KAZN: variants seen among roughly 807,000 people sequenced by gnomAD.
KAZN encodes kazrin, periplakin interacting protein.
A neutral mutation model predicts 87.4 loss-of-function variants in KAZN; 40 were observed. That is an observed-to-expected ratio of 0.46 (90% CI 0.36 to 0.60). The LOEUF (loss-of-function observed/expected upper bound fraction) is 0.60, where lower values mean the gene tolerates loss of function less well. Ranked by LOEUF, KAZN falls within the 20% of genes least tolerant of loss-of-function variation. The pLI, the probability that KAZN is intolerant of heterozygous loss-of-function variation, is 0.00. For synonymous variants in KAZN, 466 were observed against 458.3 expected (o/e 1.02, Z -0.22); for missense variants, 898 against 1,073.9 (o/e 0.84, Z 2.29).
At chr1:14,723,327 C>T (rs541972789) in intron 1 of KAZN, among the ~76,000 whole-genome samples, 1 of 152,208 alleles carries the variant, frequency 6.6e-6, no homozygotes, top group Admixed American at 6.5e-5. Context: ...CCTACCTTAA[C>T]TGAAGCCATC....
Position 14,361,363 on chromosome 1 carries a change from G to T in KAZN, c.249+180771G>T, listed in dbSNP as rs549635288. On this transcript the variant is annotated intron_variant, in intron 2 of 16. Transcript: ENST00000636203. ...ATTTCAAGCCAGTGGATCTTAGCTT[G>T]CTGGGCTCTGTGGTGGTGGGACCTG... Among the ~76,000 whole-genome samples, 7 of 152,344 alleles carry T rather than the reference G, an allele frequency of 4.6e-5. 1 individual carries two copies. In the South Asian group the frequency reaches 1.4e-3, roughly 32 times the overall value.
At chr1:14,747,144 G>A (rs1453712811) in intron 1 of KAZN, among the ~76,000 whole-genome samples, 3 of 152,134 alleles carry the variant, frequency 2.0e-5, no homozygotes, top group Non-Finnish European at 4.4e-5. Flanking sequence ...CATCAGTGCG[G>A]TAGCATGTTC....
intron 1 of KAZN, among the ~76,000 whole-genome samples, chr1:14,878,848 T>C (rs1026921888): frequency 2.0e-5 from 3 of 152,236 alleles, no homozygotes; most frequent in African/African-American, 7.2e-5. Context: ...GAAAGTCCAT[T>C]GAATATTCAT....
intron 1 of KAZN, among the ~76,000 whole-genome samples, chr1:14,162,585 C>T (rs1407859652): frequency 6.8e-6 from 1 of 147,218 alleles, no homozygotes; most frequent in African/African-American, 2.5e-5. Context: ...CACTCTGTTG[C>T]CCAGGCTGGA....
intron 13 of KAZN, among the ~76,000 whole-genome samples, chr1:15,106,368 C>A (rs7515649): frequency 0.2 from 30,692 of 152,120 alleles, 3,271 homozygotes; most frequent in African/African-American, 0.25. Flanking sequence ...CAGAATTATC[C>A]CCTTTCCCTG....
At chr1:14,443,079 C>A (rs539143992) in intron 2 of KAZN, among the ~76,000 whole-genome samples, 1 of 152,344 alleles carries the variant, frequency 6.6e-6, no homozygotes, top group African/African-American at 2.4e-5. Context: ...TCAACCCACC[C>A]TCCTTGAATT....
intron 1 of KAZN, among the ~76,000 whole-genome samples, chr1:14,834,210 A>G (rs1647146231): frequency 6.6e-6 from 1 of 151,376 alleles, no homozygotes; most frequent in Admixed American, 6.6e-5. Flanking sequence ...TAATTTTTGT[A>G]TTTTTAGTAG....
At chr1:13,910,549 G>A (rs1013260080) in intron 1 of KAZN, among the ~76,000 whole-genome samples, 1 of 150,806 alleles carries the variant, frequency 6.6e-6, no homozygotes, top group Admixed American at 6.6e-5. Context: ...CCTTGCTCCT[G>A]CTTCACCATA....
At chr1:14,100,190 T>G (rs7537108) in intron 1 of KAZN, among the ~76,000 whole-genome samples, 4,203 of 152,278 alleles carry the variant, frequency 0.028, 206 homozygotes, top group African/African-American at 0.095. Flanking sequence ...TGCCTATCCT[T>G]AATAAACAGC....
At chr1:14,814,483 G>C (rs935582607) in intron 1 of KAZN, among the ~76,000 whole-genome samples, 5 of 152,290 alleles carry the variant, frequency 3.3e-5, no homozygotes, top group Middle Eastern at 6.8e-3. Flanking sequence ...CAAAGTGCTG[G>C]GATTGCAGGC....
intron 2 of KAZN, among the ~76,000 whole-genome samples, chr1:15,018,822 C>T (rs976839887): frequency 7.9e-5 from 12 of 152,156 alleles, no homozygotes. Flanking sequence ...AGCCCCCCAG[C>T]AGCTGCCCTC....
chr1:14,262,963 C>T (rs1264643824), intron 2 of KAZN, among the ~76,000 whole-genome samples: 3 of 152,164 alleles, frequency 2.0e-5, no homozygotes, highest in African/African-American at 4.8e-5. Flanking sequence ...AAATTCCTAC[C>T]GTGTGATCCG....
chr1:13,913,232 G>A (rs1355188726), intron 1 of KAZN, among the ~76,000 whole-genome samples: 1 of 152,130 alleles, frequency 6.6e-6, no homozygotes, highest in Non-Finnish European at 1.5e-5. Context: ...AGAAGTAGAG[G>A]ATTTCAGCAA....
chr1:14,773,076 G>A lies in KAZN; in HGVS notation c.226+173853G>A, dbSNP rs374979163. ...AAATGGGCATTTGAGGGTCAGGTGG[G>A]TGACCCTAGTCCCCCACAAAGGTAG... On this transcript the variant is annotated intron_variant, in intron 1 of 14. Transcript: ENST00000376030. This position sits in a 1 kb window ranked among gnomAD's most constrained non-coding sequence, Gnocchi z 5.9. Among the ~76,000 whole-genome samples, 2 of 152,134 alleles carry A rather than the reference G, an allele frequency of 1.3e-5. No individual in the cohort carries two copies. The highest frequency in any genetic ancestry group is 2.4e-5 in the African/African-American group (1 of 41,418).
intron 1 of KAZN, among the ~76,000 whole-genome samples, chr1:14,955,104 C>T (rs1662926368): frequency 6.6e-6 from 1 of 152,202 alleles, no homozygotes; most frequent in African/African-American, 2.4e-5. Context: ...GTTGTGAAGG[C>T]CCAGAGAGAG....
chr1:14,745,738 C>T (rs897081944), intron 1 of KAZN, among the ~76,000 whole-genome samples: 2 of 152,132 alleles, frequency 1.3e-5, no homozygotes, highest in South Asian at 2.1e-4. Context: ...ATAAGATCAA[C>T]GACTGATCCA....
rs780868699 is a variant in KAZN, at chr1:14,548,292, G to C, written c.250-50691G>C. Among the ~76,000 whole-genome samples the C allele has an allele frequency of 8.0e-5, 12 of 149,930 alleles. 1 individual carries two copies. The highest frequency in any genetic ancestry group is 1.2e-4 in the African/African-American group (5 of 40,590). On this transcript the variant is annotated intron_variant, in intron 2 of 16. Coordinates refer to the KAZN transcript ENST00000636203. ...CGGCTCACTGCAACCACTGCCTCCT[G>C]GGTTCAGGCGATTCTCCTGCCTCAG...
intron 1 of KAZN, among the ~76,000 whole-genome samples, chr1:13,958,503 G>A (rs1231897744): frequency 1.3e-5 from 2 of 151,600 alleles, no homozygotes; most frequent in Non-Finnish European, 2.9e-5. Flanking sequence ...GAACCCGGGA[G>A]GCAGAGCTTG....
intron 2 of KAZN, chr1:14,180,618 C>A: frequency 6.5e-7 from 1 of 1,529,324 alleles, no homozygotes; most frequent in Non-Finnish European, 8.8e-7. Context: ...CAGAAATTCT[C>A]TATGGAGAAG....
Sources: gnomAD v4.1 joint callset for allele counts (sites outside exome capture counted in the v4.1 genomes callset) on GRCh38, gnomAD v4.1.1 for gene constraint, Gnocchi (gnomAD v3.1) non-coding constraint, MANE v1.5 for transcripts, NCBI Gene and HGNC (gene_info 2026-07-23, HGNC 2026-07-21) for gene names.